PDCD1: variants seen among roughly 807,000 people sequenced by gnomAD.
PDCD1 encodes programmed cell death protein 1.
A neutral mutation model predicts 23.6 loss-of-function variants in PDCD1; 10 were observed. That is an observed-to-expected ratio of 0.42 (90% CI 0.26 to 0.72). PDCD1 has a LOEUF of 0.72. Ranked by LOEUF, PDCD1 falls within the 30% of genes least tolerant of loss-of-function variation. The pLI is 0.24. For synonymous variants in PDCD1, 168 were observed against 169.3 expected, an observed-to-expected ratio of 0.99 and a Z score of 0.06; for missense variants, 313 against 397.8, an observed-to-expected ratio of 0.79 and a Z score of 1.81.
At chr2:241,852,520 C>T in intron 2 of PDCD1, 101 bp downstream of exon 2, 7 of 1,412,622 alleles carry the variant, frequency 5.0e-6, no homozygotes, top group Non-Finnish European at 6.7e-6. Flanking sequence ...GCTGGGGGGT[C>T]CCTGCCCTAC....
Position 241,851,022 on chromosome 2 carries a change from G to A in PDCD1, c.*36C>T. On this transcript the variant is annotated 3_prime_UTR_variant, in exon 5 of 5. Coordinates refer to ENST00000334409, the MANE Select transcript of PDCD1 (RefSeq NM_005018.3). ...AATGCGCTGACCCGGGCTCATGGTG[G>A]AGGGTCTGCAGAACACTGGTGGCCA... The A allele has an allele frequency of 2.5e-6, 4 of 1,589,074 alleles. No homozygotes were observed. Among genetic ancestry groups the A allele is most frequent in the Non-Finnish European group, 3.4e-6 (4 of 1,166,092 alleles).
In PDCD1 at chr2:241,849,949, G is replaced by C. The variant is rs1362426680; in HGVS notation, c.*1109C>G. On this transcript the variant is annotated 3_prime_UTR_variant, in exon 5 of 5. Coordinates refer to ENST00000334409, the MANE Select transcript of PDCD1 (RefSeq NM_005018.3). ...GAACCACAGGGAAGGGGGATCCCTT[G>C]TCCCAGCCACTCAGGTGCCTGCTGG... 2 of 208,260 alleles carry C rather than the reference G, an allele frequency of 9.6e-6. No individual in the cohort carries two copies. Among genetic ancestry groups the C allele is most frequent in the Non-Finnish European group, 2.0e-5 (2 of 102,262 alleles). The allele number at this position is 208,260 out of a possible 1,614,324, so 12.9% of individuals were successfully genotyped here.
chr2:241,856,637 A>T (rs573293151), intron 1 of PDCD1, among the ~76,000 whole-genome samples: 3 of 152,026 alleles, frequency 2.0e-5, no homozygotes, highest in Non-Finnish European at 2.9e-5. Flanking sequence ...AGCCTGGGGA[A>T]CATAGCGAGA....
intron 1 of PDCD1, among the ~76,000 whole-genome samples, chr2:241,854,772 T>C (rs1700986746): frequency 6.6e-6 from 1 of 152,130 alleles, no homozygotes; most frequent in Non-Finnish European, 1.5e-5. Context: ...AGGGCTGCCA[T>C]GCAGCTGTCG....
chr2:241,853,084 C>T (rs545231997), intron 1 of PDCD1, 104 bp from the exon 2 acceptor site: 1 of 1,345,560 alleles, frequency 7.4e-7, no homozygotes, highest in Non-Finnish European at 1.0e-6. Flanking sequence ...AAGGGCCACC[C>T]CAGCTGGAAT....
At position 241,850,613 on chromosome 2, in the gene PDCD1, T is replaced by A. The variant is rs1226234443; in HGVS notation, c.*445A>T. ...CGTCCAGGGCGTTTCGGGATGCCAC[T>A]GCCAGGGGCACCTTGGCTGCTCCAA... On this transcript the variant is annotated 3_prime_UTR_variant, in exon 5 of 5. Coordinates refer to ENST00000334409, the MANE Select transcript of PDCD1 (RefSeq NM_005018.3). The A allele has an allele frequency of 2.3e-6, 1 of 440,424 alleles. No homozygotes were observed. The highest frequency in any genetic ancestry group is 2.0e-5 in the African/African-American group (1 of 50,956). The allele number at this position is 440,424 out of a possible 1,614,324, so 27.3% of individuals were successfully genotyped here. A position where few individuals can be genotyped will look rare whatever the true frequency, so the allele number is the denominator to read the frequency against.
At position 241,849,911 on chromosome 2, in the gene PDCD1, T is replaced by C. The variant is rs1282632408; in HGVS notation, c.*1147A>G. 5.4e-6 allele frequency: 1 copy of C among 184,972 alleles called. No individual in the cohort carries two copies. The highest frequency in any genetic ancestry group is 8.6e-5 in the East Asian group (1 of 11,596). 11.5% of individuals were successfully genotyped at this position (184,972 alleles called of 1,614,324 possible). ...AGCATGCTCTCATATTTAATTATAA[T>C]TATAATATAATAGAACCACAGGGAA... On this transcript the variant is annotated 3_prime_UTR_variant, in exon 5 of 5. Transcript: ENST00000334409.
At position 241,850,650 on chromosome 2, in the gene PDCD1, A is replaced by C. The variant is rs761770597; in HGVS notation, c.*408T>G. 2 of 476,976 alleles carry C rather than the reference A, an allele frequency of 4.2e-6. No individual in the cohort carries two copies. Among genetic ancestry groups the C allele is most frequent in the Admixed American group, 6.2e-5 (2 of 32,196 alleles). The allele number at this position is 476,976 out of a possible 1,614,324, so 29.5% of individuals were successfully genotyped here. On this transcript the variant is annotated 3_prime_UTR_variant, in exon 5 of 5. Coordinates refer to ENST00000334409, the MANE Select transcript of PDCD1 (RefSeq NM_005018.3). ...CTTGGCTGCTCCAAGGCCATCTCCA[A>C]CCAGCCCCCAAGTTCAGGCAGGAGG...
At chr2:241,857,093 C>A (rs1701042425) in intron 1 of PDCD1, among the ~76,000 whole-genome samples, 1 of 152,208 alleles carries the variant, frequency 6.6e-6, no homozygotes, top group African/African-American at 2.4e-5. Context: ...GGGGATATCT[C>A]ATAAAACACA....
intron 1 of PDCD1, among the ~76,000 whole-genome samples, chr2:241,857,312 G>A (rs1701047277): frequency 6.6e-6 from 1 of 152,224 alleles, no homozygotes; most frequent in Admixed American, 6.5e-5. Context: ...GGAAACCGAG[G>A]CATGCCACCT....
chr2:241,852,399 G>A, intron 2 of PDCD1, 46 bp from the exon 3 acceptor site: 1 of 1,320,040 alleles, frequency 7.6e-7, no homozygotes, highest in Non-Finnish European at 1.1e-6. Context: ...TCAGGGTGGA[G>A]GGTCAGGGTC....
rs761670059 is a variant in PDCD1 at position 241,852,246 on chromosome 2, C to T, written c.544G>A (p.Val182Met). Residue 182 changes from valine (V) to methionine (M), a missense_variant, in exon 3 of 5, where the codon GTG becomes ATG. Transcript: ENST00000334409. ...GVVGGLLGSL[V>M]LLVWVLAVIC... ...ACGGCCAGGACCCAGACTAGCAGCA[C>T]CAGGCTGCCCAGCAGGCCGCCCACG... 1 of 1,611,192 alleles carries T rather than the reference C, an allele frequency of 6.2e-7. No homozygotes were observed. The highest frequency in any genetic ancestry group is 8.5e-7 in the Non-Finnish European group (1 of 1,179,484).
chr2:241,850,269 G>A lies in PDCD1; in HGVS notation c.*789C>T. On this transcript the variant is annotated 3_prime_UTR_variant, in exon 5 of 5. Transcript: ENST00000334409. Reference sequence around the variant, plus strand: ...ACCCCAGCCCTGCCCTCCTGACCTTGGGACCGTAGGATGTCCCTCTCCCGA... The same window carrying A: ...ACCCCAGCCCTGCCCTCCTGACCTTAGGACCGTAGGATGTCCCTCTCCCGA... The A allele has an allele frequency of 4.3e-6, 1 of 233,654 alleles. No homozygotes were observed. Among genetic ancestry groups the A allele is most frequent in the Non-Finnish European group, 8.5e-6 (1 of 118,298 alleles). The allele number at this position is 233,654 out of a possible 1,614,324, so 14.5% of individuals were successfully genotyped here.
At chr2:241,851,798 T>C (rs1041017765) in intron 4 of PDCD1, 151 bp downstream of exon 4, 9 of 805,214 alleles carry the variant, frequency 1.1e-5, no homozygotes, top group East Asian at 1.1e-4. Context: ...GCTTTAGGGA[T>C]TGAGGTTGCT....
chr2:241,854,830 C>A (rs1388874279), intron 1 of PDCD1, among the ~76,000 whole-genome samples: 1 of 152,200 alleles, frequency 6.6e-6, no homozygotes, highest in African/African-American at 2.4e-5. Flanking sequence ...GTACTGTGAG[C>A]AGGGACCCTG....
Position 241,850,650 on chromosome 2 carries a change from A to T in PDCD1, c.*408T>A, listed in dbSNP as rs761770597. 33 of 476,976 alleles carry T rather than the reference A, an allele frequency of 6.9e-5. No homozygotes were observed. The highest frequency in any genetic ancestry group is 1.1e-4 in the Non-Finnish European group (29 of 256,144). The allele number at this position is 476,976 out of a possible 1,614,324, so 29.5% of individuals were successfully genotyped here. The stretch of plus-strand genomic sequence containing the variant: ...CTTGGCTGCTCCAAGGCCATCTCCA[A>T]CCAGCCCCCAAGTTCAGGCAGGAGG... On this transcript the variant is annotated 3_prime_UTR_variant, in exon 5 of 5. Transcript: ENST00000334409.
At position 241,852,798 on chromosome 2, in the gene PDCD1, T is replaced by G. The variant is rs768327554; in HGVS notation, c.259A>C (p.Ser87Arg). Residue 87 changes from serine to arginine, a missense_variant, in exon 2 of 5, where the codon AGC becomes CGC. Transcript: ENST00000334409. ...AAGCGGCAGTCCTGGCCGGGCTGGCTGCGGTCCTCGGGGAAGGCGGCCAGC... is the reference window on the plus strand; with the variant it reads ...AAGCGGCAGTCCTGGCCGGGCTGGCGGCGGTCCTCGGGGAAGGCGGCCAGC... ...DKLAAFPEDRSQPGQDCRFRV... is the reference protein window; with the variant it reads ...DKLAAFPEDRRQPGQDCRFRV... 2.5e-6 allele frequency: 4 copies of G among 1,613,700 alleles called. No individual in the cohort carries two copies. The highest frequency in any genetic ancestry group is 3.4e-6 in the Non-Finnish European group (4 of 1,180,014).
At chr2:241,857,989 C>A (rs999812626) in intron 1 of PDCD1, among the ~76,000 whole-genome samples, 14 of 152,170 alleles carry the variant, frequency 9.2e-5, no homozygotes, top group African/African-American at 3.4e-4. Context: ...GGGCTGTGGT[C>A]ACAGTGTACA....
intron 1 of PDCD1, 102 bp from the exon 2 acceptor site, chr2:241,853,082 C>A: frequency 7.4e-7 from 1 of 1,351,938 alleles, no homozygotes; most frequent in South Asian, 1.4e-5. Context: ...GGAAGGGCCA[C>A]CCCAGCTGGA....
Sources: gnomAD v4.1 joint callset for allele counts (sites outside exome capture counted in the v4.1 genomes callset) on GRCh38, gnomAD v4.1.1 for gene constraint, MANE v1.5 for transcripts, NCBI Gene and HGNC (gene_info 2026-07-23, HGNC 2026-07-21) for gene names.